HDAC9: variants seen among roughly 807,000 people sequenced by gnomAD.
The protein encoded by HDAC9 is MEF-2 interacting transcription repressor (MITR) protein.
HDAC9 carries 41 observed loss-of-function variants against 139.4 expected under a neutral mutation model. That is an observed-to-expected ratio of 0.29 (90% CI 0.23 to 0.38). The LOEUF is 0.38. Among genes scored for constraint, HDAC9 ranks in the 10% least tolerant of loss-of-function variants. The pLI is 1.00. For synonymous variants in HDAC9, 517 were observed against 476.2 expected, an observed-to-expected ratio of 1.09 and a Z score of -1.12; for missense variants, 1,147 against 1,297.0, an observed-to-expected ratio of 0.88 and a Z score of 1.78.
At chr7:18,581,616 A>G (rs1827856518) in intron 2 of HDAC9, among the ~76,000 whole-genome samples, 2 of 152,096 alleles carry the variant, frequency 1.3e-5, no homozygotes, top group Non-Finnish European at 2.9e-5. Context: ...TTAAGTTCTG[A>G]CCTTTGTTTT....
At chr7:18,492,077 T>C (rs916775377), upstream of HDAC9, among the ~76,000 whole-genome samples, 46 of 152,004 alleles carry the variant, frequency 3.0e-4, no homozygotes, top group African/African-American at 1.1e-3. Context: ...ACTAACATGA[T>C]GCAATAATCC....
At chr7:18,287,125 G>GT (rs766630400), upstream of HDAC9, among the ~76,000 whole-genome samples, 4 of 152,022 alleles carry the variant, frequency 2.6e-5, no homozygotes, top group Non-Finnish European at 5.9e-5. Flanking sequence ...TTTAATGGTA[G>GT]TTTTTTCTGA....
intron 22 of HDAC9, among the ~76,000 whole-genome samples, chr7:18,921,197 C>CA (rs1311413342): frequency 2.0e-5 from 3 of 151,924 alleles, no homozygotes; most frequent in East Asian, 1.9e-4. Context: ...TCTAAAACAC[C>CA]AAAGCAATGG....
At chr7:18,603,262 C>A (rs565588245) in intron 6 of HDAC9, among the ~76,000 whole-genome samples, 1 of 152,002 alleles carries the variant, frequency 6.6e-6, no homozygotes, top group African/African-American at 2.4e-5. Context: ...CTGACAGCCT[C>A]TCTTCGTGTA....
intron 2 of HDAC9, among the ~76,000 whole-genome samples, chr7:18,264,737 A>G (rs1320553982): frequency 8.5e-5 from 13 of 152,226 alleles, no homozygotes; most frequent in African/African-American, 4.8e-5. Context: ...TTCTAATGGA[A>G]TAGACTAGTT....
At chr7:18,838,864 C>T (rs961191393) in intron 21 of HDAC9, among the ~76,000 whole-genome samples, 2 of 151,988 alleles carry the variant, frequency 1.3e-5, no homozygotes, top group African/African-American at 2.4e-5. Context: ...GATGTAAGAT[C>T]GCTGCTTATT....
chr7:18,856,898 A>G (rs901990142), intron 21 of HDAC9, among the ~76,000 whole-genome samples: 2 of 152,152 alleles, frequency 1.3e-5, no homozygotes, highest in African/African-American at 2.4e-5. Context: ...TTCATTTGCC[A>G]CCTGAATGAT....
intron 6 of HDAC9, among the ~76,000 whole-genome samples, chr7:18,620,349 C>T (rs1839879302): frequency 6.6e-6 from 1 of 151,696 alleles, no homozygotes; most frequent in Non-Finnish European, 1.5e-5. Context: ...TATTTTTAAA[C>T]TGAATCACAC....
intron 12 of HDAC9, among the ~76,000 whole-genome samples, chr7:18,724,882 A>T (rs1452364942): frequency 1.3e-5 from 2 of 152,310 alleles, no homozygotes; most frequent in East Asian, 3.9e-4. Context: ...TATATAAAAG[A>T]CTATGGCAGG....
chr7:18,932,864 G>GAAAGAAAGAAAGAAAGAAAT (rs369930715), intron 22 of HDAC9, among the ~76,000 whole-genome samples: 1 of 150,316 alleles, frequency 6.7e-6, no homozygotes. Flanking sequence ...AAGAAAGAAA[G>GAAAGAAAGAAAGAAAGAAAT]AAAGAAAGAA....
At chr7:18,988,571 T>TATCA (rs1785578798) in intron 25 of HDAC9, among the ~76,000 whole-genome samples, 1 of 152,140 alleles carries the variant, frequency 6.6e-6, no homozygotes, top group African/African-American at 2.4e-5. Flanking sequence ...TGTAGATGTC[T>TATCA]ATCAGGTCCG....
chr7:18,161,806 T>C (rs568743333), intron 1 of HDAC9, among the ~76,000 whole-genome samples: 74 of 152,228 alleles, frequency 4.9e-4, no homozygotes, highest in African/African-American at 1.7e-3. Flanking sequence ...TGCCAAGAGG[T>C]CCTATCTGTA....
chr7:18,296,444 G>A (rs1406431437), intron 1 of HDAC9, among the ~76,000 whole-genome samples: 1 of 148,940 alleles, frequency 6.7e-6, no homozygotes, highest in Non-Finnish European at 1.5e-5. Flanking sequence ...GTGTGTGTGT[G>A]TAACTATAAT....
In HDAC9 at chr7:19,002,160, A is replaced by G. The variant is rs1389811759; in HGVS notation, c.*6098A>G. 1 of 152,060 alleles carries G rather than the reference A, an allele frequency of 6.6e-6. No individual in the cohort carries two copies. Among genetic ancestry groups the G allele is most frequent in the Admixed American group, 6.6e-5 (1 of 15,262 alleles). The allele number at this position is 152,060 out of a possible 1,614,324, so 9.4% of individuals were successfully genotyped here. On this transcript the variant is annotated 3_prime_UTR_variant, in exon 26 of 26. Coordinates refer to ENST00000686413, the MANE Select transcript of HDAC9 (RefSeq NM_178425.4). ...TGTGCTGCCAGTGGTATTTTCCCAG[A>G]TGTGAAAAATAATAATCTAATAAAG...
intron 2 of HDAC9, among the ~76,000 whole-genome samples, chr7:18,570,779 A>G (rs1046945626): frequency 6.6e-6 from 1 of 152,236 alleles, no homozygotes; most frequent in South Asian, 2.1e-4. Context: ...ATGAATGAAT[A>G]TTTACTTTAT....
intron 1 of HDAC9, among the ~76,000 whole-genome samples, chr7:18,392,919 CAAAAAAA>C (rs773532939): frequency 0.13 from 5,781 of 44,962 alleles, 288 homozygotes; most frequent in African/African-American, 0.28. Flanking sequence ...CCATGACTGG[CAAAAAAA>C]AAAAAAAAAA....
At chr7:18,431,791 C>T (rs957556145) in intron 1 of HDAC9, among the ~76,000 whole-genome samples, 1 of 152,116 alleles carries the variant, frequency 6.6e-6, no homozygotes, top group African/African-American at 2.4e-5. Context: ...CATATCAATT[C>T]CTTCAGACTC....
chr7:18,207,991 G>A (rs927755107), intron 2 of HDAC9, among the ~76,000 whole-genome samples: 13 of 152,250 alleles, frequency 8.5e-5, no homozygotes, highest in Middle Eastern at 3.4e-3. Flanking sequence ...TGGGATTACA[G>A]GTGTGAGCCA....
At chr7:18,869,715 C>T (rs1178458923) in intron 21 of HDAC9, among the ~76,000 whole-genome samples, 1 of 152,090 alleles carries the variant, frequency 6.6e-6, no homozygotes, top group Admixed American at 6.6e-5. Flanking sequence ...CACCTTTGAT[C>T]ACAGACATCT....
Sources: gnomAD v4.1 joint callset for allele counts (sites outside exome capture counted in the v4.1 genomes callset) on GRCh38, gnomAD v4.1.1 for gene constraint, MANE v1.5 for transcripts, NCBI Gene and HGNC (gene_info 2026-07-23, HGNC 2026-07-21) for gene names.